CNTNAP2: variants seen among roughly 807,000 people sequenced by gnomAD.
CNTNAP2 encodes the protein contactin-associated protein-like 2.
In CNTNAP2, 98 loss-of-function variants were observed where a neutral mutation model predicts 155.2. That is an observed-to-expected ratio of 0.63 (90% confidence interval 0.54 to 0.75). The LOEUF (loss-of-function observed/expected upper bound fraction) is 0.75, where lower values mean the gene tolerates loss of function less well. Among genes scored for constraint, CNTNAP2 ranks in the 30% least tolerant of loss-of-function variants. CNTNAP2 has a pLI of 0.00. For missense variants in CNTNAP2, 1,727 were observed against 1,688.1 expected, an observed-to-expected ratio of 1.02 and a Z score of -0.40; for synonymous variants, 651 against 631.2, an observed-to-expected ratio of 1.03 and a Z score of -0.47.
intron 2 of CNTNAP2, among the ~76,000 whole-genome samples, chr7:146,802,694 T>C (rs57832160): frequency 0.024 from 3,615 of 152,290 alleles, 164 homozygotes; most frequent in African/African-American, 0.084. Context: ...CCAGCCCTGG[T>C]TCCTGTATAG....
chr7:147,977,192 A>G (rs1801438990), intron 14 of CNTNAP2, among the ~76,000 whole-genome samples: 1 of 152,298 alleles, frequency 6.6e-6, no homozygotes, highest in African/African-American at 2.4e-5. Flanking sequence ...CTCCTTTAGG[A>G]TGGATACAGG....
chr7:148,217,184 C>T, intron 18 of CNTNAP2, 104 bp from the exon 19 acceptor site: 1 of 1,081,112 alleles, frequency 9.2e-7, no homozygotes, highest in Non-Finnish European at 1.4e-6. Flanking sequence ...AGATGCCCTT[C>T]CTGGAGCCAG....
chr7:147,176,351 C>T (rs1053662054), intron 8 of CNTNAP2, among the ~76,000 whole-genome samples: 5 of 151,964 alleles, frequency 3.3e-5, no homozygotes, highest in Admixed American at 2.6e-4. Context: ...AAACAGTTTC[C>T]CTCTTATTCT....
intron 11 of CNTNAP2, among the ~76,000 whole-genome samples, chr7:147,515,977 C>CAAAGT (rs71527818): frequency 0.2 from 29,654 of 151,786 alleles, 3,387 homozygotes; most frequent in Non-Finnish European, 0.27. Flanking sequence ...AGGTAAAAAC[C>CAAAGT]AAAGTAAAAT....
chr7:146,844,826 A>G (rs562279886), intron 3 of CNTNAP2, among the ~76,000 whole-genome samples: 1 of 152,242 alleles, frequency 6.6e-6, no homozygotes, highest in African/African-American at 2.4e-5. Context: ...ATTCTCAGTT[A>G]TTTTTAAAAA....
rs1468031997 is a variant in CNTNAP2, at chr7:148,415,572, T to G, written c.3952T>G (p.Phe1318Val). ...CGCCATCATGAACAACGACCCCAAC[T>G]TCACAGAGACCATTGATGAAAGCAA... ...DAAIMNNDPN[F>V]TETIDESKKE... The change falls in exon 24 of 24, where the codon TTC becomes GTC. Residue 1318 changes from phenylalanine (F) to valine (V), a missense_variant. Physicochemically the swap from Phe to Val is conservative, Grantham distance 50. Transcript: ENST00000361727. 3 of 1,614,028 alleles carry G rather than the reference T, an allele frequency of 1.9e-6. No individual in the cohort carries two copies. Among genetic ancestry groups the G allele is most frequent in the Non-Finnish European group, 2.5e-6 (3 of 1,180,034 alleles).
chr7:146,843,370 A>C (rs1409374040), intron 3 of CNTNAP2, among the ~76,000 whole-genome samples: 3 of 152,134 alleles, frequency 2.0e-5, no homozygotes, highest in Non-Finnish European at 4.4e-5. Flanking sequence ...TCAGGAGATC[A>C]ACAAGCGGGA....
chr7:147,923,866 C>A (rs984189110), intron 14 of CNTNAP2, among the ~76,000 whole-genome samples: 1 of 152,158 alleles, frequency 6.6e-6, no homozygotes, highest in African/African-American at 2.4e-5. Flanking sequence ...AGTCTGCAAA[C>A]ACCTTGATTT....
chr7:146,239,012 G>A (rs1404004531), intron 1 of CNTNAP2, among the ~76,000 whole-genome samples: 1 of 152,056 alleles, frequency 6.6e-6, no homozygotes, highest in African/African-American at 2.4e-5. Context: ...TTTTGGGTGG[G>A]GACACAGCCA....
chr7:148,387,738 T>C (rs1253267478), intron 22 of CNTNAP2, among the ~76,000 whole-genome samples: 1 of 148,592 alleles, frequency 6.7e-6, no homozygotes, highest in East Asian at 1.9e-4. Context: ...GGGGAGCTTT[T>C]TAAAACCCAA....
At chr7:147,269,621 G>A (rs1404401431) in intron 8 of CNTNAP2, among the ~76,000 whole-genome samples, 1 of 152,210 alleles carries the variant, frequency 6.6e-6, no homozygotes, top group Admixed American at 6.5e-5. Context: ...TGATGATATT[G>A]CTGGAGGAGA....
chr7:146,771,725 A>C (rs963501101), intron 1 of CNTNAP2, among the ~76,000 whole-genome samples: 1 of 152,310 alleles, frequency 6.6e-6, no homozygotes, highest in African/African-American at 2.4e-5. Flanking sequence ...TATACAATTG[A>C]GTGGTGAGAT....
intron 1 of CNTNAP2, among the ~76,000 whole-genome samples, chr7:146,524,252 T>C (rs1438585822): frequency 1.3e-5 from 2 of 152,246 alleles, no homozygotes; most frequent in East Asian, 3.9e-4. Flanking sequence ...TTATCTCTGG[T>C]AAAATATCTG....
intron 10 of CNTNAP2, among the ~76,000 whole-genome samples, chr7:147,407,061 C>G (rs1319794831): frequency 6.6e-6 from 1 of 151,514 alleles, no homozygotes; most frequent in Non-Finnish European, 1.5e-5. Context: ...CAGTGAAGAC[C>G]CCCCCCTCTG....
chr7:146,679,356 T>TTC (rs1800461107), intron 1 of CNTNAP2, among the ~76,000 whole-genome samples: 1 of 144,904 alleles, frequency 6.9e-6, no homozygotes, highest in African/African-American at 2.6e-5. Flanking sequence ...TCTTTTTTTT[T>TTC]TTTTTTTTTT....
chr7:146,548,847 A>G (rs1798072685), intron 1 of CNTNAP2, among the ~76,000 whole-genome samples: 1 of 147,466 alleles, frequency 6.8e-6, no homozygotes, highest in Non-Finnish European at 1.5e-5. Flanking sequence ...GCTGTACAGA[A>G]GCTTTTTAGT....
At chr7:147,417,024 G>A (rs778442084) in intron 10 of CNTNAP2, among the ~76,000 whole-genome samples, 1 of 151,148 alleles carries the variant, frequency 6.6e-6, no homozygotes, top group Admixed American at 6.6e-5. Flanking sequence ...AAGAGGCAGA[G>A]GTTGCAGTGA....
chr7:146,813,798 C>T (rs77923437), intron 2 of CNTNAP2, among the ~76,000 whole-genome samples: 1 of 152,028 alleles, frequency 6.6e-6, no homozygotes, highest in South Asian at 2.1e-4. Context: ...TCCCATAATC[C>T]CCATGTGTCA....
chr7:148,173,627 T>C (rs758868232), intron 18 of CNTNAP2, among the ~76,000 whole-genome samples: 3 of 152,224 alleles, frequency 2.0e-5, no homozygotes, highest in Non-Finnish European at 2.9e-5. Flanking sequence ...AGGAACACCA[T>C]TGCAGAATAA....
Sources: gnomAD v4.1 joint callset for allele counts (sites outside exome capture counted in the v4.1 genomes callset) on GRCh38, gnomAD v4.1.1 for gene constraint, MANE v1.5 for transcripts, NCBI Gene and HGNC (gene_info 2026-07-23, HGNC 2026-07-21) for gene names.